Variants in ANGPTL5 observed in about 807,000 individuals in gnomAD.
ANGPTL5 encodes the protein angiopoietin like 5.
ANGPTL5 carries 34 observed loss-of-function variants against 39.4 expected under a neutral mutation model. The ratio of observed to expected loss-of-function variants is 0.86; its 90% CI spans 0.66 to 1.15. The LOEUF (loss-of-function observed/expected upper bound fraction) is 1.15. Among genes scored for constraint, ANGPTL5 ranks in the 50% most tolerant of loss-of-function variants. The probability of loss-of-function intolerance (pLI) is 0.00; values close to 1 mark genes in which losing one functional copy is unlikely to be tolerated. For missense variants in ANGPTL5, 467 were observed against 457.5 expected (o/e 1.02, Z -0.19); for synonymous variants, 146 against 152.1 (o/e 0.96, Z 0.29).
Position 101,907,983 on chromosome 11 carries a change from A to G in ANGPTL5, c.-74T>C. 9.4e-7 allele frequency: 1 copy of G among 1,066,954 alleles called. No individual in the cohort carries two copies. Among genetic ancestry groups the G allele is most frequent in the South Asian group, 1.3e-5 (1 of 75,438 alleles). 66.1% of individuals were successfully genotyped at this position (1,066,954 alleles called of 1,614,324 possible). On this transcript the variant is annotated 5_prime_UTR_variant, in exon 2 of 9. Coordinates refer to ENST00000334289, the MANE Select transcript of ANGPTL5 (RefSeq NM_178127.5). ...TTGTGGAAAGAACTACAGAGCATAG[A>G]GTCTTCAGTTAAAAACCTCTGGAAA... is the stretch of plus-strand genomic sequence containing the variant.
At chr11:101,913,402 T>TAA (rs1940125944) in intron 1 of ANGPTL5, among the ~76,000 whole-genome samples, 1 of 152,212 alleles carries the variant, frequency 6.6e-6, no homozygotes, top group Admixed American at 6.5e-5. Flanking sequence ...ATTATGTATG[T>TAA]TTAGCCAACT....
chr11:101,907,687 A>AG, intron 2 of ANGPTL5, 127 bp downstream of exon 2: 1 of 689,110 alleles, frequency 1.5e-6, no homozygotes, highest in Non-Finnish European at 2.5e-6. Context: ...CAACATTTCT[A>AG]AATACATGTT....
chr11:101,893,183 T>G (rs952272565), intron 8 of ANGPTL5, among the ~76,000 whole-genome samples: 2 of 152,232 alleles, frequency 1.3e-5, no homozygotes, highest in Admixed American at 1.3e-4. Flanking sequence ...AAATAGCCTA[T>G]TATAATATAG....
At chr11:101,914,896 G>C (rs978291122) in intron 1 of ANGPTL5, 1 of 193,072 alleles carries the variant, frequency 5.2e-6, no homozygotes, top group Non-Finnish European at 1.1e-5. Context: ...GGGATGCTTG[G>C]GTTGCCACCC....
intron 1 of ANGPTL5, among the ~76,000 whole-genome samples, chr11:101,909,499 C>A (rs1255366664): frequency 2.0e-5 from 3 of 152,106 alleles, no homozygotes; most frequent in Non-Finnish European, 4.4e-5. Flanking sequence ...TATTAATAGG[C>A]AAATACACAT....
rs57783593 is a variant in ANGPTL5, at chr11:101,909,396, A to G, written c.-92-1395T>C. ...CTTGGACAAAGTTACTAATATTGCTATAGCTTGATTACCTCCTTTGTATTA... is the reference window on the plus strand; with the variant it reads ...CTTGGACAAAGTTACTAATATTGCTGTAGCTTGATTACCTCCTTTGTATTA... On this transcript the variant is annotated intron_variant, in intron 1 of 8. Transcript: ENST00000334289. 5.9e-3 allele frequency among the ~76,000 whole-genome samples: 901 copies of G among 152,354 alleles called. 6 individuals carry two copies. The highest frequency in any genetic ancestry group is 0.021 in the African/African-American group (861 of 41,580).
intron 1 of ANGPTL5, among the ~76,000 whole-genome samples, chr11:101,912,482 C>G (rs1321071753): frequency 6.6e-6 from 1 of 152,060 alleles, no homozygotes; most frequent in Non-Finnish European, 1.5e-5. Flanking sequence ...CCCTTGGGCC[C>G]TGCCTTTCTA....
intron 5 of ANGPTL5, among the ~76,000 whole-genome samples, chr11:101,903,502 G>A (rs1939944676): frequency 6.6e-6 from 1 of 152,084 alleles, no homozygotes; most frequent in African/African-American, 2.4e-5. Flanking sequence ...ACTTCATAGT[G>A]TTATCCTAAC....
intron 2 of ANGPTL5, 32 bp from the exon 3 acceptor site, chr11:101,907,279 A>C: frequency 7.6e-7 from 1 of 1,318,792 alleles, no homozygotes. Flanking sequence ...TAAGAAAAAA[A>C]TACATTAAAC....
rs1240932934 is a variant in ANGPTL5, at chr11:101,907,956, CT to C, written c.-48del. On this transcript the variant is annotated 5_prime_UTR_variant, in exon 2 of 9. The change creates a premature stop within an existing upstream ORF in the 5' untranslated region. Transcript: ENST00000334289. Reference sequence around the variant, plus strand: ...ACACTTCTTCAAATATCAGTCAGCTCTTTGTGGAAAGAACTACAGAGCATAG... The same window carrying C: ...ACACTTCTTCAAATATCAGTCAGCTCTTGTGGAAAGAACTACAGAGCATAG... 2.2e-6 allele frequency: 3 copies of C among 1,357,406 alleles called. No individual in the cohort carries two copies. The highest frequency in any genetic ancestry group is 3.1e-6 in the Non-Finnish European group (3 of 952,680). 84.1% of individuals were successfully genotyped at this position (1,357,406 alleles called of 1,614,324 possible).
intron 6 of ANGPTL5, among the ~76,000 whole-genome samples, chr11:101,900,792 ATTAAC>A (rs1220256688): frequency 7.9e-5 from 12 of 152,134 alleles, no homozygotes; most frequent in African/African-American, 2.7e-4. Flanking sequence ...CAAATTTGTA[ATTAAC>A]TTAATCACAG....
chr11:101,905,645 T>A lies in ANGPTL5; in HGVS notation c.345+99A>T, dbSNP rs1395022415. On this transcript the variant is annotated intron_variant, in intron 4 of 8. Coordinates refer to ENST00000334289, the MANE Select transcript of ANGPTL5 (RefSeq NM_178127.5). ...TCTAACATGGTAGGCGCTAAATAGA[T>A]GTCTGAACATGAATGCATTTTAAAA... is the stretch of plus-strand genomic sequence containing the variant. The A allele has an allele frequency of 6.1e-6, 5 of 819,216 alleles. No individual in the cohort carries two copies. The East Asian group carries it at 1.1e-4, about 17-fold the overall frequency. 50.7% of individuals were successfully genotyped at this position (819,216 alleles called of 1,614,324 possible). A position where few individuals can be genotyped will look rare whatever the true frequency, so the allele number is the denominator to read the frequency against.
At chr11:101,906,479 G>C (rs1939999154) in intron 3 of ANGPTL5, among the ~76,000 whole-genome samples, 2 of 152,032 alleles carry the variant, frequency 1.3e-5, no homozygotes, top group Non-Finnish European at 2.9e-5. Flanking sequence ...TAATGCCTTT[G>C]AGACCATGTT....
At position 101,891,583 on chromosome 11, in the gene ANGPTL5, C is replaced by A; in HGVS notation, c.863G>T (p.Gly288Val). Residue 288 changes from glycine to valine, a missense_variant, in exon 9 of 9, where the codon GGT becomes GTT. By Grantham distance (109) the Gly-to-Val change is moderately radical. Transcript: ENST00000334289. ...YSGNAGDAFR[G>V]LKKEDNQNAM... ...ATTTTGATTATCTTCTTTTTTGAGA[C>A]CCCGGAATGCATCACCTGGGAAAAA... 1 of 1,613,718 alleles carries A rather than the reference C, an allele frequency of 6.2e-7. No individual in the cohort carries two copies. The highest frequency in any genetic ancestry group is 1.1e-5 in the South Asian group (1 of 91,018).
In ANGPTL5 at chr11:101,900,702, T is replaced by A. The variant is rs11225055; in HGVS notation, c.541-152A>T. The stretch of plus-strand genomic sequence containing the variant: ...CATATGCCATTAATTTATTCAGATG[T>A]TTTTTATATTTCTAGAAATAATACT... On this transcript the variant is annotated intron_variant, in intron 6 of 8. Transcript: ENST00000334289. 12 of 765,778 alleles carry A rather than the reference T, an allele frequency of 1.6e-5. No individual in the cohort carries two copies. In the Admixed American group the frequency reaches 3.0e-4, roughly 19 times the overall value. The allele number at this position is 765,778 out of a possible 1,614,324, so 47.4% of individuals were successfully genotyped here.
intron 4 of ANGPTL5, among the ~76,000 whole-genome samples, 170 bp from the exon 5 acceptor site, chr11:101,905,077 C>T (rs992602401): frequency 1.3e-5 from 2 of 152,146 alleles, no homozygotes; most frequent in African/African-American, 4.8e-5. Context: ...CATTAAATTT[C>T]GTAGTATCTA....
chr11:101,902,717 T>G lies in ANGPTL5; in HGVS notation c.444A>C (p.Leu148Phe). 6.2e-7 allele frequency: 1 copy of G among 1,605,844 alleles called. No homozygotes were observed. Residue 148 changes from leucine to phenylalanine, a missense_variant, in exon 6 of 9, where the codon TTA becomes TTC. By Grantham distance (22) the Leu-to-Phe change is conservative. Transcript: ENST00000334289. ...TGGTATCCTTAATATCAGTGCAATC[T>G]AAACCTAGAAAAGCAAAATTATTTA... is the stretch of plus-strand genomic sequence containing the variant. ...FPHRPVQSHG[L>F]DCTDIKDTIG...
At position 101,891,360 on chromosome 11, in the gene ANGPTL5, C is replaced by T. The variant is rs373076823; in HGVS notation, c.1086G>A (p.Thr362=). The stretch of plus-strand genomic sequence containing the variant: ...TGACAGGTGAGTTGTTTTTGGTCCA[C>T]GTGCCCCATTGAATTCCAGTTGCAA... The part of the protein sequence containing the change: ...KLLATGIQWG[T]WTKNNSPVKI... Residue 362 remains threonine, a synonymous_variant, in exon 9 of 9, where the codon ACG becomes ACA. Transcript: ENST00000334289. 27 of 1,613,836 alleles carry T rather than the reference C, an allele frequency of 1.7e-5. No individual in the cohort carries two copies. In the African/African-American group the frequency reaches 2.0e-4, roughly 12 times the overall value.
At position 101,905,724 on chromosome 11, in the gene ANGPTL5, C is replaced by G. The variant is rs766932069; in HGVS notation, c.345+20G>C. 4 of 1,520,056 alleles carry G rather than the reference C, an allele frequency of 2.6e-6. No homozygotes were observed. Among genetic ancestry groups the G allele is most frequent in the Middle Eastern group, 1.7e-4 (1 of 5,866 alleles). The allele number at this position is 1,520,056 out of a possible 1,614,324, so 94.2% of individuals were successfully genotyped here. A position where few individuals can be genotyped will look rare whatever the true frequency, so the allele number is the denominator to read the frequency against. ...TCAACGTGTACATGCAATAACAACA[C>G]AATACTAAAACATCTATACCTGATT... is the stretch of plus-strand genomic sequence containing the variant. On this transcript the variant is annotated intron_variant, in intron 4 of 8. Coordinates refer to ENST00000334289, the MANE Select transcript of ANGPTL5 (RefSeq NM_178127.5).
Sources: allele counts gnomAD v4.1 joint callset (sites outside exome capture counted in the v4.1 genomes callset), GRCh38; gene constraint gnomAD v4.1.1; transcripts MANE v1.5; gene names NCBI Gene and HGNC (gene_info 2026-07-23, HGNC 2026-07-21).